The following FIGNL1 variants were observed in gnomAD, a reference collection of about 807,000 sequenced individuals.
FIGNL1 encodes the protein fidgetin like 1, also known as fidgetin-like protein 1.
Under a neutral mutation model 28.9 loss-of-function variants are expected in FIGNL1, and 11 were observed. The ratio of observed to expected loss-of-function variants is 0.38; its 90% CI spans 0.24 to 0.63. FIGNL1 has a LOEUF of 0.63. Among genes scored for constraint, FIGNL1 ranks in the 20% least tolerant of loss-of-function variants. The pLI is 0.57. For missense variants in FIGNL1, 789 were observed against 810.4 expected (o/e 0.97, Z 0.32); for synonymous variants, 295 against 276.5 (o/e 1.07, Z -0.66).
intron 2 of FIGNL1, chr7:50,448,755 C>G (rs1371972101): frequency 2.0e-5 from 3 of 152,300 alleles, no homozygotes; most frequent in African/African-American, 7.2e-5. Flanking sequence ...GCTTTTATCT[C>G]CCATAATGCC....
At position 50,445,788 on chromosome 7, in the gene FIGNL1, G is replaced by T; in HGVS notation, c.1500C>A (p.Asp500Glu). 6.2e-7 allele frequency: 1 copy of T among 1,614,162 alleles called. No homozygotes were observed. The highest frequency in any genetic ancestry group is 8.5e-7 in the Non-Finnish European group (1 of 1,180,026). Residue 500 changes from aspartate to glutamate, a missense_variant, in exon 4 of 4, where the codon GAC (aspartate) becomes GAA (glutamate). Transcript: ENST00000433017. ...GTTGAGATAACAAGGAATCAATTTCGTCAATAAATATCACAGCTGGTTGCT... is the reference window on the plus strand; with the variant it reads ...GTTGAGATAACAAGGAATCAATTTCTTCAATAAATATCACAGCTGGTTGCT... Reference protein sequence around the residue: ...RCQQPAVIFIDEIDSLLSQRG... With the variant: ...RCQQPAVIFIEEIDSLLSQRG...
rs1820210972 is a variant in FIGNL1, at chr7:50,444,195, G to C, written c.*1068C>G. 1 of 152,170 alleles carries C rather than the reference G, an allele frequency of 6.6e-6. No homozygotes were observed. Among genetic ancestry groups the C allele is most frequent in the South Asian group, 2.1e-4 (1 of 4,824 alleles). The allele number at this position is 152,170 out of a possible 1,614,324, so 9.4% of individuals were successfully genotyped here. A position where few individuals can be genotyped will look rare whatever the true frequency, so the allele number is the denominator to read the frequency against. Reference sequence around the variant, plus strand: ...AAGAAATTTATACATTTTTTAAAAAGATCACCAAATGCATCCCACATAGTT... The same window carrying C: ...AAGAAATTTATACATTTTTTAAAAACATCACCAAATGCATCCCACATAGTT... On this transcript the variant is annotated 3_prime_UTR_variant, in exon 4 of 4. Coordinates refer to ENST00000433017, the MANE Select transcript of FIGNL1 (RefSeq NM_001287492.4).
Position 50,446,972 on chromosome 7 carries a change from T to C in FIGNL1, c.316A>G (p.Ile106Val), listed in dbSNP as rs199964406. The C allele has an allele frequency of 1.1e-4, 171 of 1,614,136 alleles. No homozygotes were observed. Among genetic ancestry groups the C allele is most frequent in the Middle Eastern group, 1.6e-4 (1 of 6,084 alleles). The change falls in exon 4 of 4, where the codon ATA (isoleucine) becomes GTA (valine). Residue 106 changes from isoleucine to valine, a missense_variant. Transcript: ENST00000433017. ...CTACTCATTTTGAAAACATTATTTA[T>C]TGACAATCCAGACTGCCACTTGTCA... ...DSDKWQSGLS[I>V]NNVFKMSSVQ...
rs967627177 is a variant in FIGNL1, at chr7:50,446,218, T to C, written c.1070A>G (p.Gln357Arg). The C allele has an allele frequency of 1.2e-6, 2 of 1,614,070 alleles. No individual in the cohort carries two copies. Among genetic ancestry groups the C allele is most frequent in the Non-Finnish European group, 1.7e-6 (2 of 1,180,032 alleles). The change falls in exon 4 of 4, where the codon CAA (glutamine) becomes CGA (arginine). Residue 357 changes from glutamine (Q) to arginine (R), a missense_variant. Coordinates refer to ENST00000433017, the MANE Select transcript of FIGNL1 (RefSeq NM_001287492.4). ...AGGTCCTGCCCCATAAGGCTTACAT[T>C]GCATTCCTCCATTCTGCTCTCCCCC... ...QDGGEQNGGMQCKPYGAGPTE... is the reference protein window; with the variant it reads ...QDGGEQNGGMRCKPYGAGPTE...
rs1672655064 is a variant in FIGNL1 at position 50,448,260 on chromosome 7, A to C, written c.-90T>G. The C allele has an allele frequency of 6.6e-6, 1 of 152,252 alleles. No homozygotes were observed. Among genetic ancestry groups the C allele is most frequent in the African/African-American group, 2.4e-5 (1 of 41,456 alleles). The allele number at this position is 152,252 out of a possible 1,614,324, so 9.4% of individuals were successfully genotyped here. A position where few individuals can be genotyped will look rare whatever the true frequency, so the allele number is the denominator to read the frequency against. On this transcript the variant is annotated 5_prime_UTR_variant, in exon 3 of 4. The change abolishes an upstream ATG in the 5' untranslated region. Transcript: ENST00000433017. ...CACTCCAGGTACTGTGCACTTCTGC[A>C]TGTACACAATGCTCCTTGATGCTGC...
chr7:50,446,445 T>C lies in FIGNL1; in HGVS notation c.843A>G (p.Thr281=). The C allele has an allele frequency of 1.9e-6, 3 of 1,614,210 alleles. No individual in the cohort carries two copies. Among genetic ancestry groups the C allele is most frequent in the Non-Finnish European group, 2.5e-6 (3 of 1,180,026 alleles). The part of the protein sequence containing the change: ...NPILNKACSK[T]EDNGPKEDSS... ...TATCCTCCTTTGGGCCATTATCTTCTGTTTTACTACAAGCCTTATTCAGTA... is the reference window on the plus strand; with the variant it reads ...TATCCTCCTTTGGGCCATTATCTTCCGTTTTACTACAAGCCTTATTCAGTA... The change falls in exon 4 of 4, where the codon ACA becomes ACG. Residue 281 remains threonine, a synonymous_variant. Transcript: ENST00000433017.
In FIGNL1 at chr7:50,446,758, G is replaced by A. The variant is rs369169571; in HGVS notation, c.530C>T (p.Pro177Leu). ...AAGGAGTTTCAAACGATTGCTCTCC[G>A]GGAAGTCTTGGGTCCGGTCTCGATC... ...AHDRDRTQDF[P>L]ESNRLKLLQN... The change falls in exon 4 of 4, where the codon CCG (proline) becomes CTG (leucine). Residue 177 changes from proline to leucine, a missense_variant. Physicochemically the swap from Pro to Leu is moderately conservative, Grantham distance 98 (BLOSUM62 -3). Transcript: ENST00000433017. 2.3e-5 allele frequency: 37 copies of A among 1,614,020 alleles called. No individual in the cohort carries two copies. Among genetic ancestry groups the A allele is most frequent in the African/African-American group, 2.7e-5 (2 of 74,906 alleles).
chr7:50,445,800 C>T lies in FIGNL1; in HGVS notation c.1488G>A (p.Val496=). 6.2e-7 allele frequency: 1 copy of T among 1,614,232 alleles called. No individual in the cohort carries two copies. The highest frequency in any genetic ancestry group is 1.6e-4 in the Middle Eastern group (1 of 6,062). ...AGGAATCAATTTCGTCAATAAATAT[C>T]ACAGCTGGTTGCTGACACCTTGCAA... ...FAVARCQQPA[V]IFIDEIDSLL... Residue 496 remains valine (V), a synonymous_variant, in exon 4 of 4, where the codon GTG becomes GTA. Coordinates refer to ENST00000433017, the MANE Select transcript of FIGNL1 (RefSeq NM_001287492.4).
chr7:50,447,847 C>T (rs1438370328), intron 3 of FIGNL1: 1 of 152,208 alleles, frequency 6.6e-6, no homozygotes, highest in African/African-American at 2.4e-5. Flanking sequence ...AGTGCTTCTC[C>T]TGCCCCAGCT....
chr7:50,447,359 T>C, intron 3 of FIGNL1, 62 bp from the exon 4 acceptor site: 1 of 1,239,372 alleles, frequency 8.1e-7, no homozygotes, highest in Non-Finnish European at 1.1e-6. Flanking sequence ...ACTTTAAATG[T>C]AATTTTGAAA....
rs1820372816 is a variant in FIGNL1, at chr7:50,445,003, T to C, written c.*260A>G. 8.0e-6 allele frequency: 2 copies of C among 250,616 alleles called. No individual in the cohort carries two copies. The highest frequency in any genetic ancestry group is 7.5e-6 in the Non-Finnish European group (1 of 133,034). The allele number at this position is 250,616 out of a possible 1,614,324, so 15.5% of individuals were successfully genotyped here. A position where few individuals can be genotyped will look rare whatever the true frequency, so the allele number is the denominator to read the frequency against. On this transcript the variant is annotated 3_prime_UTR_variant, in exon 4 of 4. Transcript: ENST00000433017. ...AAATTTGAGCTCACTTTTCATGTTA[T>C]ATAGCTTCAAGATAAAGACTTCTTA...
chr7:50,445,573 G>A lies in FIGNL1; in HGVS notation c.1715C>T (p.Ala572Val), dbSNP rs1042056338. The change falls in exon 4 of 4, where the codon GCC becomes GTC. Residue 572 changes from alanine (A) to valine (V), a missense_variant. Ala to Val is a moderately conservative substitution (Grantham distance 64). Coordinates refer to ENST00000433017, the MANE Select transcript of FIGNL1 (RefSeq NM_001287492.4). ...RLYIPLPEAS[A>V]RKQIVINLMS... ...TAGATTAATTACTATCTGTTTCCTG[G>A]CTGAAGCTTCTGGGAGGGGAATATA... 4 of 1,613,994 alleles carry A rather than the reference G, an allele frequency of 2.5e-6. No homozygotes were observed. The highest frequency in any genetic ancestry group is 3.4e-6 in the Non-Finnish European group (4 of 1,180,026).
At position 50,447,083 on chromosome 7, in the gene FIGNL1, T is replaced by C; in HGVS notation, c.205A>G (p.Ile69Val). Reference protein sequence around the residue: ...FKKYAEKYSAIIDSDNVESGL... With the variant: ...FKKYAEKYSAVIDSDNVESGL... ...GATTCAACATTGTCAGAATCAATAA[T>C]TGCAGAATATTTCTCTGCATATTTT... The change falls in exon 4 of 4, where the codon ATT (isoleucine) becomes GTT (valine). Residue 69 changes from isoleucine to valine, a missense_variant. Ile to Val is a conservative substitution (Grantham distance 29). Coordinates refer to ENST00000433017, the MANE Select transcript of FIGNL1 (RefSeq NM_001287492.4). 5 of 1,614,232 alleles carry C rather than the reference T, an allele frequency of 3.1e-6. No homozygotes were observed. The highest frequency in any genetic ancestry group is 1.1e-5 in the South Asian group (1 of 91,086).
rs751198966 is a variant in FIGNL1 at position 50,445,378 on chromosome 7, C to T, written c.1910G>A (p.Arg637Gln). The T allele has an allele frequency of 6.8e-6, 11 of 1,614,120 alleles. No individual in the cohort carries two copies. The highest frequency in any genetic ancestry group is 1.7e-5 in the Admixed American group (1 of 60,020). ...TTCAAAATCAATGTAAGCTATGGGT[C>T]GAACTTGATCCGGTGTTATGGTAGC... ...DIATITPDQV[R>Q]PIAYIDFENA... is the part of the protein sequence containing the mutation. The change falls in exon 4 of 4, where the codon CGA becomes CAA. Residue 637 changes from arginine (R) to glutamine (Q), a missense_variant. Transcript: ENST00000433017.
intron 2 of FIGNL1, 59 bp from the exon 3 acceptor site, chr7:50,448,348 T>G (rs912148150): frequency 6.6e-6 from 1 of 152,308 alleles, no homozygotes; most frequent in Admixed American, 6.5e-5. Flanking sequence ...ATTTAAATGG[T>G]TTTAATAACA....
At position 50,449,714 on chromosome 7, in the gene FIGNL1, C is replaced by A. The variant is rs1043726824; in HGVS notation, c.-716G>T. On this transcript the variant is annotated 5_prime_UTR_variant, in exon 2 of 4. Coordinates refer to ENST00000433017, the MANE Select transcript of FIGNL1 (RefSeq NM_001287492.4). ...GGAAAATCTCTTAATGTCTTTCTGC[C>A]GGTTTTCACCTATAAAAGAAGCGCA... 6.6e-6 allele frequency: 1 copy of A among 152,214 alleles called. No homozygotes were observed. The highest frequency in any genetic ancestry group is 1.5e-5 in the Non-Finnish European group (1 of 68,046). The allele number at this position is 152,214 out of a possible 1,614,324, so 9.4% of individuals were successfully genotyped here.
At position 50,449,256 on chromosome 7, in the gene FIGNL1, C is replaced by A. The variant is rs1821571463; in HGVS notation, c.-258G>T. 6.6e-6 allele frequency: 1 copy of A among 152,238 alleles called. No individual in the cohort carries two copies. The highest frequency in any genetic ancestry group is 1.5e-5 in the Non-Finnish European group (1 of 68,052). The allele number at this position is 152,238 out of a possible 1,614,324, so 9.4% of individuals were successfully genotyped here. On this transcript the variant is annotated 5_prime_UTR_variant, in exon 2 of 4. Transcript: ENST00000433017. The stretch of plus-strand genomic sequence containing the variant: ...AATGGCAAATAAGGATAACCAAAAA[C>A]TGGCCATCACCGATCAGTGACACAA...
Position 50,446,063 on chromosome 7 carries a change from C to G in FIGNL1, c.1225G>C (p.Ala409Pro). ...ACTATTTCCTTTATGGTGGCTTTAG[C>G]AAATTCTACTCCTGCAATATCTTCC... ...NWEDIAGVEF[A>P]KATIKEIVVW... Residue 409 changes from alanine to proline, a missense_variant, in exon 4 of 4, where the codon GCT becomes CCT. Coordinates refer to ENST00000433017, the MANE Select transcript of FIGNL1 (RefSeq NM_001287492.4). 6.2e-7 allele frequency: 1 copy of G among 1,614,184 alleles called. No individual in the cohort carries two copies. The highest frequency in any genetic ancestry group is 8.5e-7 in the Non-Finnish European group (1 of 1,180,044).
intron 3 of FIGNL1, chr7:50,447,896 C>G (rs1326495403): frequency 1.3e-5 from 2 of 152,196 alleles, no homozygotes; most frequent in Non-Finnish European, 2.9e-5. Flanking sequence ...GCCACCACCC[C>G]TGGATAATTT....
Sources: allele counts gnomAD v4.1 joint callset, GRCh38; gene constraint gnomAD v4.1.1; transcripts MANE v1.5; gene names NCBI Gene and HGNC (gene_info 2026-07-23, HGNC 2026-07-21).